Variants in ANKRD36C observed in about 807,000 individuals in gnomAD.
ANKRD36C encodes ankyrin repeat domain-containing protein 36C.
ANKRD36C carries 61 observed loss-of-function variants against 276.4 expected under a neutral mutation model. The observed-to-expected ratio is 0.22, with a 90% CI of 0.18 to 0.27. ANKRD36C has a LOEUF of 0.27. Ranked by LOEUF, ANKRD36C falls within the 10% of genes least tolerant of loss-of-function variation. The pLI is 1.00. For synonymous variants in ANKRD36C, 483 were observed against 680.1 expected (o/e 0.71, Z 4.51); for missense variants, 1,447 against 2,032.3 (o/e 0.71, Z 5.54).
At chr2:95,944,938 G>A (rs936617681) in intron 18 of ANKRD36C, among the ~76,000 whole-genome samples, 176 bp downstream of exon 18, 1 of 152,298 alleles carries the variant, frequency 6.6e-6, no homozygotes, top group Admixed American at 6.5e-5. Flanking sequence ...TCGGGAGGCT[G>A]AGGCAGGAGA....
At chr2:95,914,975 A>G (rs753094589) in intron 38 of ANKRD36C, among the ~76,000 whole-genome samples, 8 of 151,568 alleles carry the variant, frequency 5.3e-5, no homozygotes, top group Non-Finnish European at 1.0e-4. Context: ...ACCAAAGGAT[A>G]ATATATTAAC....
At position 95,912,370 on chromosome 2, in the gene ANKRD36C, G is replaced by A. The variant is rs770050122; in HGVS notation, c.2580+37C>T. On this transcript the variant is annotated intron_variant, in intron 41 of 66. Coordinates refer to ENST00000456556, the Ensembl canonical transcript of ANKRD36C. ...ATAAGGTATGTTTCATAGGCTTTAC[G>A]TTTACTAGCTCACAATATGAATGAG... The A allele has an allele frequency of 2.6e-4, 413 of 1,603,284 alleles. 1 individual carries two copies. The highest frequency in any genetic ancestry group is 3.2e-4 in the Non-Finnish European group (371 of 1,177,430).
At chr2:95,856,257 A>G (rs1433003753) in intron 62 of ANKRD36C, 77 bp from the exon 83 acceptor site, 114 of 1,584,960 alleles carry the variant, frequency 7.2e-5, no homozygotes, top group Non-Finnish European at 9.5e-5. Flanking sequence ...ATTAAATAAT[A>G]ACCCGAACAT....
At chr2:95,891,968 T>G (rs921711582) in intron 44 of ANKRD36C, 108 bp from the exon 65 acceptor site, 55 of 1,517,578 alleles carry the variant, frequency 3.6e-5, no homozygotes, top group Admixed American at 7.9e-5. Context: ...TGTATTAGCG[T>G]AGGCTTTGAT....
chr2:95,974,364 A>T (rs1678761861), intron 6 of ANKRD36C, among the ~76,000 whole-genome samples: 1 of 152,166 alleles, frequency 6.6e-6, no homozygotes, highest in Admixed American at 6.5e-5. Flanking sequence ...GATTAATAGA[A>T]TACCAGATAT....
At chr2:95,856,977 G>T (rs928519508) in intron 62 of ANKRD36C, among the ~76,000 whole-genome samples, 1 of 152,022 alleles carries the variant, frequency 6.6e-6, no homozygotes, top group Admixed American at 6.6e-5. Context: ...TTGCTATTGT[G>T]ATAACTTTTA....
chr2:95,931,645 T>G (rs923311073), intron 24 of ANKRD36C, among the ~76,000 whole-genome samples: 54 of 147,522 alleles, frequency 3.7e-4, no homozygotes, highest in Non-Finnish European at 6.3e-4. Context: ...TTGTGAAGAC[T>G]TGAAAACATG....
exon 66 of ANKRD36C, chr2:95,851,767 A>G (rs759682326): frequency 5.7e-5 from 87 of 1,533,738 alleles, no homozygotes; most frequent in Admixed American, 2.7e-4. Context: ...TTTTCTCATC[A>G]TGACATTTTC....
chr2:95,865,399 A>C (rs1675664704), intron 60 of ANKRD36C, among the ~76,000 whole-genome samples: 1 of 152,064 alleles, frequency 6.6e-6, no homozygotes, highest in Non-Finnish European at 1.5e-5. Context: ...GCACAGTCAA[A>C]ACAGAACAAA....
exon 63 of ANKRD36C, chr2:95,855,342 T>C (rs200183690): frequency 1.0e-4 from 162 of 1,611,774 alleles, no homozygotes; most frequent in Non-Finnish European, 1.3e-4. Context: ...CAACATTTTA[T>C]TGTCTTCTTC....
chr2:95,964,780 T>A (rs4544484), intron 6 of ANKRD36C, among the ~76,000 whole-genome samples: 1 of 151,724 alleles, frequency 6.6e-6, no homozygotes, highest in Non-Finnish European at 1.5e-5. Flanking sequence ...CCTATTTTCC[T>A]CTCCAGCAGA....
At chr2:95,987,371 T>C (rs1217602719) in intron 1 of ANKRD36C, among the ~76,000 whole-genome samples, 165 bp from the exon 2 acceptor site, 1 of 152,248 alleles carries the variant, frequency 6.6e-6, no homozygotes, top group East Asian at 1.9e-4. Flanking sequence ...AGAAAAGCCT[T>C]GGCTTTTGGA....
intron 46 of ANKRD36C, among the ~76,000 whole-genome samples, chr2:95,890,515 G>T (rs1443466639): frequency 6.6e-6 from 1 of 151,490 alleles, no homozygotes; most frequent in Non-Finnish European, 1.5e-5. Context: ...CTAAATTGAT[G>T]ACTTTGGATA....
intron 36 of ANKRD36C, 114 bp downstream of exon 38, chr2:95,917,741 A>T: frequency 7.5e-7 from 1 of 1,329,214 alleles, no homozygotes. Context: ...CTGCTGGATC[A>T]GAATGTGCAG....
chr2:95,943,424 G>T (rs1328240436), intron 19 of ANKRD36C, among the ~76,000 whole-genome samples: 1 of 148,960 alleles, frequency 6.7e-6, no homozygotes, highest in Non-Finnish European at 1.5e-5. Context: ...GGTGGAGCTT[G>T]CAGTGAGCCG....
intron 60 of ANKRD36C, among the ~76,000 whole-genome samples, chr2:95,867,230 T>C (rs1393731372): frequency 6.6e-6 from 1 of 152,150 alleles, no homozygotes; most frequent in East Asian, 1.9e-4. Context: ...GTGTGTATCA[T>C]TCACACTGAG....
chr2:95,915,170 T>C (rs1677055439), intron 38 of ANKRD36C, among the ~76,000 whole-genome samples: 1 of 151,588 alleles, frequency 6.6e-6, no homozygotes, highest in Admixed American at 6.6e-5. Flanking sequence ...GTTAGGAGTA[T>C]CATGTTATTT....
intron 56 of ANKRD36C, among the ~76,000 whole-genome samples, chr2:95,881,806 T>C (rs1830280): frequency 4.0e-4 from 52 of 130,708 alleles, no homozygotes; most frequent in South Asian, 7.4e-4. Context: ...AACTTCTTCC[T>C]TCCCCTCTTT....
chr2:95,890,028 C>A, intron 46 of ANKRD36C, 34 bp from the exon 67 acceptor site: 1 of 1,599,226 alleles, frequency 6.3e-7, no homozygotes, highest in Non-Finnish European at 8.6e-7. Flanking sequence ...ATCACTCATA[C>A]GTAAATATGA....
Sources: allele counts gnomAD v4.1 joint callset (sites outside exome capture counted in the v4.1 genomes callset), GRCh38; gene constraint gnomAD v4.1.1; transcripts MANE v1.5; gene names NCBI Gene and HGNC (gene_info 2026-07-23, HGNC 2026-07-21).